Variants in DNM3 observed in about 807,000 individuals in gnomAD.
The protein encoded by DNM3 is dynamin-3.
A neutral mutation model predicts 101.6 loss-of-function variants in DNM3; 47 were observed. That is an observed-to-expected ratio of 0.46 (90% CI 0.37 to 0.59). The LOEUF is 0.59. Among genes scored for constraint, DNM3 ranks in the 20% least tolerant of loss-of-function variants. The pLI is 0.00. For missense variants in DNM3, 849 were observed against 1,085.7 expected (o/e 0.78, Z 3.06); for synonymous variants, 385 against 387.9 (o/e 0.99, Z 0.09).
chr1:172,006,275 T>C (rs1363125911), intron 4 of DNM3, among the ~76,000 whole-genome samples: 2 of 152,086 alleles, frequency 1.3e-5, no homozygotes, highest in Non-Finnish European at 2.9e-5. Context: ...TTGTCTATTA[T>C]TCTTCCTGTG....
intron 10 of DNM3, among the ~76,000 whole-genome samples, 154 bp downstream of exon 10, chr1:172,048,904 T>C (rs926522880): frequency 6.6e-6 from 1 of 152,208 alleles, no homozygotes; most frequent in Non-Finnish European, 1.5e-5. Flanking sequence ...GAGTGGGAAT[T>C]GCTTTCATGA....
chr1:172,365,882 C>T (rs937332135), intron 17 of DNM3, among the ~76,000 whole-genome samples: 1 of 151,868 alleles, frequency 6.6e-6, no homozygotes, highest in African/African-American at 2.4e-5. Flanking sequence ...AGAGTAATGG[C>T]TTTAAAAACT....
At chr1:171,959,807 G>A (rs1198207801) in intron 2 of DNM3, among the ~76,000 whole-genome samples, 5 of 152,066 alleles carry the variant, frequency 3.3e-5, no homozygotes, top group Admixed American at 6.6e-5. Flanking sequence ...CATTTACTAC[G>A]GTGAGGTCTG....
Position 172,411,483 on chromosome 1 carries a change from T to C in DNM3, c.*3642T>C. The C allele has an allele frequency of 1.0e-6, 1 of 984,048 alleles. No homozygotes were observed. Among genetic ancestry groups the C allele is most frequent in the Non-Finnish European group, 1.2e-6 (1 of 829,398 alleles). 61.0% of individuals were successfully genotyped at this position (984,048 alleles called of 1,614,324 possible). A position where few individuals can be genotyped will look rare whatever the true frequency, so the allele number is the denominator to read the frequency against. Reference sequence around the variant, plus strand: ...ATAAATTATTTTTGGATTGCTGAGCTGAATCTTAAAAAGCCAAGTTGATAT... The same window carrying C: ...ATAAATTATTTTTGGATTGCTGAGCCGAATCTTAAAAAGCCAAGTTGATAT... On this transcript the variant is annotated 3_prime_UTR_variant, in exon 21 of 21. Transcript: ENST00000627582.
At chr1:172,268,662 C>T (rs1337444549) in intron 15 of DNM3, among the ~76,000 whole-genome samples, 1 of 152,148 alleles carries the variant, frequency 6.6e-6, no homozygotes, top group Non-Finnish European at 1.5e-5. Context: ...TTTTTATGAA[C>T]TAAGTCTGTG....
At position 172,233,938 on chromosome 1, in the gene DNM3, T is replaced by A. The variant is rs144491097; in HGVS notation, c.1660-19635T>A. 9.3e-3 allele frequency among the ~76,000 whole-genome samples: 1,419 copies of A among 152,286 alleles called. 33 individuals are homozygous for A. Among genetic ancestry groups the A allele is most frequent in the African/African-American group, 0.032 (1,346 of 41,540 alleles). The stretch of plus-strand genomic sequence containing the variant: ...GATAAACCCACAGTCAATATCATAC[T>A]GAATGGGCAAAAACTGGAAGCATTC... On this transcript the variant is annotated intron_variant, in intron 14 of 20. Coordinates refer to ENST00000627582, the MANE Select transcript of DNM3 (RefSeq NM_015569.5).
chr1:172,350,416 T>A (rs567460340), intron 17 of DNM3, among the ~76,000 whole-genome samples: 103 of 151,988 alleles, frequency 6.8e-4, no homozygotes, highest in Middle Eastern at 3.4e-3. Flanking sequence ...GAGAGCTGGA[T>A]TTTTTTTGCA....
intron 2 of DNM3, among the ~76,000 whole-genome samples, chr1:171,974,398 G>A (rs1464043549): frequency 1.3e-5 from 2 of 151,702 alleles, no homozygotes; most frequent in Non-Finnish European, 2.9e-5. Flanking sequence ...TATCTATTTT[G>A]CAAAAGAAAT....
intron 15 of DNM3, among the ~76,000 whole-genome samples, chr1:172,265,251 T>TAA (rs112817468): frequency 3.2e-4 from 47 of 147,746 alleles, no homozygotes; most frequent in African/African-American, 7.6e-4. Flanking sequence ...TAACATCCTT[T>TAA]AAAAAAAAAA....
chr1:172,296,921 T>C (rs12097276), intron 15 of DNM3, among the ~76,000 whole-genome samples: 15,236 of 152,130 alleles, frequency 0.1, 1,052 homozygotes, highest in African/African-American at 0.2. Context: ...GGCGGACTGA[T>C]CACCTGAGGT....
intron 16 of DNM3, among the ~76,000 whole-genome samples, chr1:172,323,052 A>G (rs1360336381): frequency 6.6e-6 from 1 of 152,162 alleles, no homozygotes; most frequent in Admixed American, 6.5e-5. Context: ...ATAGAAAGAA[A>G]GGGGGCAACT....
chr1:172,155,293 CA>C (rs35898752), intron 14 of DNM3, among the ~76,000 whole-genome samples: 36,615 of 129,534 alleles, frequency 0.28, 4,802 homozygotes, highest in East Asian at 0.44. Context: ...TTGTGCTTTG[CA>C]AAAAAAAAAA....
At chr1:172,214,927 A>G (rs11808600) in intron 14 of DNM3, among the ~76,000 whole-genome samples, 9 of 152,144 alleles carry the variant, frequency 5.9e-5, no homozygotes, top group Non-Finnish European at 8.8e-5. Flanking sequence ...TCTATGGTGT[A>G]AAGTGCCGAA....
chr1:171,919,580 C>T (rs540912230), intron 1 of DNM3, among the ~76,000 whole-genome samples: 1 of 152,070 alleles, frequency 6.6e-6, no homozygotes, highest in East Asian at 1.9e-4. Context: ...CATTTTGATT[C>T]TCAAATTAAC....
chr1:172,238,772 CTGTT>C (rs891707386), intron 14 of DNM3, among the ~76,000 whole-genome samples: 3 of 151,760 alleles, frequency 2.0e-5, no homozygotes, highest in African/African-American at 7.3e-5. Flanking sequence ...CAGGCCATCT[CTGTT>C]TGAAGCTAAC....
At chr1:172,228,408 C>T (rs796954328) in intron 14 of DNM3, among the ~76,000 whole-genome samples, 18 of 152,148 alleles carry the variant, frequency 1.2e-4, no homozygotes, top group African/African-American at 3.6e-4. Flanking sequence ...ACTCTTTCTT[C>T]GCTCTCTTCT....
At chr1:172,322,643 T>C (rs1182743317) in intron 16 of DNM3, among the ~76,000 whole-genome samples, 1 of 152,080 alleles carries the variant, frequency 6.6e-6, no homozygotes, top group African/African-American at 2.4e-5. Context: ...ATTTCTTGAG[T>C]GTGGACTCAT....
In DNM3 at chr1:172,320,234, G is replaced by T. The variant is rs1285772486; in HGVS notation, c.1882-3095G>T. Among the ~76,000 whole-genome samples, 3 of 150,330 alleles carry T rather than the reference G, an allele frequency of 2.0e-5. No individual in the cohort carries two copies. The South Asian group carries it at 6.5e-4, about 32-fold the overall frequency. ...ACATCACACTCTGGGGACTGTTGTG[G>T]GGTGGGGGGATGGGGGAGGGATAGC... On this transcript the variant is annotated intron_variant, in intron 16 of 20. Transcript: ENST00000627582.
At chr1:172,163,984 C>T (rs1558662960) in intron 14 of DNM3, among the ~76,000 whole-genome samples, 1 of 142,304 alleles carries the variant, frequency 7.0e-6, no homozygotes, top group Non-Finnish European at 1.6e-5. Context: ...CACACACACA[C>T]ACATCTCACA....
Sources: allele counts gnomAD v4.1 joint callset (sites outside exome capture counted in the v4.1 genomes callset), GRCh38; gene constraint gnomAD v4.1.1; transcripts MANE v1.5; gene names NCBI Gene and HGNC (gene_info 2026-07-23, HGNC 2026-07-21).